The following PDCD10 variants were observed in gnomAD, a reference collection of about 807,000 sequenced individuals.
PDCD10 encodes the protein programmed cell death protein 10.
PDCD10 carries 4 observed loss-of-function variants against 29.2 expected under a neutral mutation model. That is an observed-to-expected ratio of 0.14 (90% CI 0.07 to 0.31). PDCD10 has a LOEUF of 0.31. Ranked by LOEUF, PDCD10 falls within the 10% of genes least tolerant of loss-of-function variation. PDCD10 has a pLI of 1.00. For missense variants in PDCD10, 183 were observed against 257.9 expected, an observed-to-expected ratio of 0.71 and a Z score of 1.99; for synonymous variants, 70 against 82.2, an observed-to-expected ratio of 0.85 and a Z score of 0.80.
Position 167,704,556 on chromosome 3 carries a change from GA to G in PDCD10, c.150+285del, listed in dbSNP as rs1198898884. On this transcript the variant is annotated intron_variant, in intron 4 of 8. Transcript: ENST00000392750. ...TAAGTTTTCAAAAGGTCAAATAATA[GA>G]AAAAAAAAAAAACCCTCAAAAATAT... The G allele has an allele frequency of 0.038, 7,487 of 197,476 alleles. 71 individuals are homozygous for G. The highest frequency in any genetic ancestry group is 0.074 in the African/African-American group (2,593 of 35,042). The allele number at this position is 197,476 out of a possible 1,614,324, so 12.2% of individuals were successfully genotyped here. A position where few individuals can be genotyped will look rare whatever the true frequency, so the allele number is the denominator to read the frequency against.
intron 3 of PDCD10, among the ~76,000 whole-genome samples, chr3:167,718,078 G>A (rs539232223): frequency 1.3e-5 from 2 of 152,004 alleles, no homozygotes; most frequent in Admixed American, 6.6e-5. Context: ...GAGTGTCTCT[G>A]GGTGGAATTG....
chr3:167,724,010 C>T lies in PDCD10; in HGVS notation c.-116-3737G>A, dbSNP rs180725872. Among the ~76,000 whole-genome samples, 4 of 152,280 alleles carry T rather than the reference C, an allele frequency of 2.6e-5. No individual in the cohort carries two copies. In the East Asian group the frequency reaches 5.8e-4, roughly 22 times the overall value. On this transcript the variant is annotated intron_variant, in intron 2 of 8. Coordinates refer to ENST00000392750, the MANE Select transcript of PDCD10 (RefSeq NM_007217.4). ...GCCCAAAAACAGGTATTCGCCACTC[C>T]GCTGCCAAACTCTTAAATCTTTGGT...
In PDCD10 at chr3:167,720,216, T is replaced by C. The variant is rs1723431190; in HGVS notation, c.-59A>G. 1 of 1,065,980 alleles carries C rather than the reference T, an allele frequency of 9.4e-7. No individual in the cohort carries two copies. Among genetic ancestry groups the C allele is most frequent in the African/African-American group, 1.6e-5 (1 of 64,446 alleles). 66.0% of individuals were successfully genotyped at this position (1,065,980 alleles called of 1,614,324 possible). On this transcript the variant is annotated 5_prime_UTR_variant, in exon 3 of 9. Coordinates refer to ENST00000392750, the MANE Select transcript of PDCD10 (RefSeq NM_007217.4). The stretch of plus-strand genomic sequence containing the variant: ...AAAATGCAGAGGAATCTTCATTCAC[T>C]GCAATATTTCTTCTCTTTTTTGGTG...
chr3:167,719,995 G>A (rs1434440854), intron 3 of PDCD10, 67 bp downstream of exon 3: 4 of 1,017,224 alleles, frequency 3.9e-6, no homozygotes, highest in Non-Finnish European at 6.3e-6. Flanking sequence ...AGAACAAGCA[G>A]ACGAATAAAT....
chr3:167,689,942 T>C (rs1720038247), intron 6 of PDCD10, among the ~76,000 whole-genome samples: 1 of 152,174 alleles, frequency 6.6e-6, no homozygotes, highest in Non-Finnish European at 1.5e-5. Context: ...CACCAAGGTG[T>C]GCACATAGAG....
At chr3:167,722,375 CAT>C (rs1723662560) in intron 2 of PDCD10, among the ~76,000 whole-genome samples, 1 of 152,086 alleles carries the variant, frequency 6.6e-6, no homozygotes, top group South Asian at 2.1e-4. Context: ...AGTCAGAAAA[CAT>C]ACAACTGTGG....
chr3:167,702,749 C>T (rs1380538157), intron 4 of PDCD10, among the ~76,000 whole-genome samples: 1 of 152,090 alleles, frequency 6.6e-6, no homozygotes, highest in Admixed American at 6.5e-5. Flanking sequence ...GGTGAGGTTT[C>T]TTTCATCTTT....
At chr3:167,711,784 T>C (rs1340728172) in intron 3 of PDCD10, among the ~76,000 whole-genome samples, 3 of 151,696 alleles carry the variant, frequency 2.0e-5, no homozygotes, top group Non-Finnish European at 2.9e-5. Flanking sequence ...AAGAAACAAA[T>C]AACATATGAT....
chr3:167,687,564 G>A lies in PDCD10; in HGVS notation c.474+51C>T, dbSNP rs375997950. The A allele has an allele frequency of 4.4e-5, 44 of 1,004,830 alleles. 1 individual carries two copies. Among genetic ancestry groups the A allele is most frequent in the Non-Finnish European group, 6.9e-5 (43 of 625,396 alleles). 62.2% of individuals were successfully genotyped at this position (1,004,830 alleles called of 1,614,324 possible). On this transcript the variant is annotated intron_variant, in intron 7 of 8. Transcript: ENST00000392750. ...ATTTTTAAGTCAATAAAACAACTAG[G>A]CATAAACCAACATCTAGGGTGTCAA... is the stretch of plus-strand genomic sequence containing the variant.
Position 167,706,691 on chromosome 3 carries a change from G to A in PDCD10, c.97-1796C>T, listed in dbSNP as rs117032964. On this transcript the variant is annotated intron_variant, in intron 3 of 8. Coordinates refer to ENST00000392750, the MANE Select transcript of PDCD10 (RefSeq NM_007217.4). The stretch of plus-strand genomic sequence containing the variant: ...ATGACTGAAATGTTATGTGCCACAT[G>A]ACTGCATATACCCATAGGCCTTACA... Among the ~76,000 whole-genome samples the A allele has an allele frequency of 1.3e-3, 203 of 152,254 alleles. 5 individuals are homozygous for A. The East Asian group carries it at 0.038, about 28-fold the overall frequency.
intron 2 of PDCD10, among the ~76,000 whole-genome samples, chr3:167,732,113 G>A (rs1724882067): frequency 6.6e-6 from 1 of 152,198 alleles, no homozygotes; most frequent in Non-Finnish European, 1.5e-5. Context: ...GTCACGTTAA[G>A]TCTTCTTCTC....
intron 4 of PDCD10, among the ~76,000 whole-genome samples, chr3:167,701,178 C>A (rs972714693): frequency 6.6e-6 from 1 of 151,970 alleles, no homozygotes; most frequent in Non-Finnish European, 1.5e-5. Flanking sequence ...GTTGTTTCTG[C>A]GGTTAGAAAG....
chr3:167,705,001 C>A, intron 3 of PDCD10, 106 bp from the exon 4 acceptor site: 1 of 681,484 alleles, frequency 1.5e-6, no homozygotes, highest in South Asian at 1.7e-5. Flanking sequence ...AACATTTAAT[C>A]AACATTCTTG....
At chr3:167,687,123 C>T (rs953111495) in intron 8 of PDCD10, 111 bp downstream of exon 8, 1 of 618,266 alleles carries the variant, frequency 1.6e-6, no homozygotes, top group Non-Finnish European at 2.9e-6. Context: ...TTATCAGTTG[C>T]CTGGAGTACT....
At chr3:167,698,131 T>C in intron 4 of PDCD10, among the ~76,000 whole-genome samples, 1 of 152,236 alleles carries the variant, frequency 6.6e-6, no homozygotes, top group East Asian at 1.9e-4. Flanking sequence ...CCTATTGCTC[T>C]TTCCATTATA....
intron 6 of PDCD10, chr3:167,694,347 T>C: frequency 4.9e-6 from 1 of 203,352 alleles, no homozygotes; most frequent in Non-Finnish European, 1.1e-5. Flanking sequence ...TATGCGATAT[T>C]AATCAGACTG....
In PDCD10 at chr3:167,683,747, A is replaced by G. The variant is rs890314007; in HGVS notation, c.*561T>C. 4.0e-5 allele frequency: 6 copies of G among 151,414 alleles called. No homozygotes were observed. The highest frequency in any genetic ancestry group is 8.9e-5 in the Non-Finnish European group (6 of 67,778). 9.4% of individuals were successfully genotyped at this position (151,414 alleles called of 1,614,324 possible). ...GTGTCCAAAGTGATTAAGGACAAAA[A>G]TAGAAATTCTTGCTTTATTATTTGA... On this transcript the variant is annotated 3_prime_UTR_variant, in exon 9 of 9. Coordinates refer to ENST00000392750, the MANE Select transcript of PDCD10 (RefSeq NM_007217.4).
Position 167,687,624 on chromosome 3 carries a change from C to T in PDCD10, c.465G>A (p.Gln155=). Residue 155 remains glutamine (Q), a synonymous_variant, in exon 7 of 9, where the codon CAG becomes CAA. Coordinates refer to ENST00000392750, the MANE Select transcript of PDCD10 (RefSeq NM_007217.4). ...VNNVFKKYQY[Q]NRRALEHQKK... Reference sequence around the variant, plus strand: ...CTTCTACTAAACGTACCCTGCGGTTCTGGTATTGATATTTCTTGAAGACAT... The same window carrying T: ...CTTCTACTAAACGTACCCTGCGGTTTTGGTATTGATATTTCTTGAAGACAT... The T allele has an allele frequency of 6.3e-7, 1 of 1,587,060 alleles. No individual in the cohort carries two copies. The highest frequency in any genetic ancestry group is 2.2e-5 in the East Asian group (1 of 44,774).
At chr3:167,706,512 G>A (rs570535600) in intron 3 of PDCD10, among the ~76,000 whole-genome samples, 28 of 152,144 alleles carry the variant, frequency 1.8e-4, no homozygotes, top group African/African-American at 6.8e-4. Context: ...AACTACTATA[G>A]GCAACTGTAA....
Sources: allele counts gnomAD v4.1 joint callset (sites outside exome capture counted in the v4.1 genomes callset), GRCh38; gene constraint gnomAD v4.1.1; transcripts MANE v1.5; gene names NCBI Gene and HGNC (gene_info 2026-07-23, HGNC 2026-07-21).